Variants in LMO3 observed in about 807,000 individuals in gnomAD.
LMO3 encodes the protein LIM domain only protein 3.
In LMO3, 2 loss-of-function variants were observed where a neutral mutation model predicts 15.8. That is an observed-to-expected ratio of 0.13 (90% CI 0.05 to 0.40). The LOEUF (loss-of-function observed/expected upper bound fraction) is 0.40. Ranked by LOEUF, LMO3 falls within the 10% of genes least tolerant of loss-of-function variation. LMO3 has a pLI of 0.99. For synonymous variants in LMO3, 62 were observed against 63.8 expected, an observed-to-expected ratio of 0.97 and a Z score of 0.13; for missense variants, 86 against 182.2, an observed-to-expected ratio of 0.47 and a Z score of 3.04.
chr12:16,605,889 T>C, intron 1 of LMO3, 177 bp downstream of exon 1: 1 of 1,451,600 alleles, frequency 6.9e-7, no homozygotes, highest in Non-Finnish European at 9.3e-7. Flanking sequence ...ACCGTCTCAG[T>C]AGAGCTGCAG....
At chr12:16,566,343 G>C (rs1344637320) in intron 2 of LMO3, among the ~76,000 whole-genome samples, 1 of 151,650 alleles carries the variant, frequency 6.6e-6, no homozygotes, top group African/African-American at 2.4e-5. Context: ...TGCACAGTAG[G>C]GTGACTATGG....
At chr12:16,566,037 T>C (rs1473496436) in intron 2 of LMO3, among the ~76,000 whole-genome samples, 2 of 86,166 alleles carry the variant, frequency 2.3e-5, no homozygotes, top group Non-Finnish European at 2.3e-5. Context: ...TATATATATA[T>C]ATAAAATGGA....
chr12:16,585,541 A>G lies in LMO3; in HGVS notation c.206+15114T>C, dbSNP rs1423527493. Among the ~76,000 whole-genome samples the G allele has an allele frequency of 6.6e-6, 1 of 152,194 alleles. No individual in the cohort carries two copies. The highest frequency in any genetic ancestry group is 1.5e-5 in the Non-Finnish European group (1 of 68,030). The stretch of plus-strand genomic sequence containing the variant: ...AGATTAGAAAACTAATTTCATCACA[A>G]TCTCCCCTTTCCTAAATTCCTCTCA... On this transcript the variant is annotated intron_variant, in intron 2 of 3. Transcript: ENST00000537304. The surrounding 1 kb of genome is among the most constrained non-coding windows in gnomAD (Gnocchi z 4.7).
rs1187690261 is a variant in LMO3 at position 16,582,449 on chromosome 12, G to GT, written c.206+18205dup. ...TTATATTTTATATTGTCTTTATCAG[G>GT]TCAAGGTACTGTATTAGAGTTATGT... On this transcript the variant is annotated intron_variant, in intron 2 of 3. Coordinates refer to ENST00000537304, the MANE Select transcript of LMO3 (RefSeq NM_018640.5). The surrounding 1 kb of genome is among the most constrained non-coding windows in gnomAD (Gnocchi z 4.1). Among the ~76,000 whole-genome samples, 1 of 152,132 alleles carries GT rather than the reference G, an allele frequency of 6.6e-6. No homozygotes were observed. Among genetic ancestry groups the GT allele is most frequent in the Non-Finnish European group, 1.5e-5 (1 of 68,014 alleles).
intron 2 of LMO3, among the ~76,000 whole-genome samples, chr12:16,566,910 T>C (rs1385932275): frequency 1.3e-5 from 2 of 152,100 alleles, no homozygotes; most frequent in Non-Finnish European, 2.9e-5. Context: ...ACAATTTCAG[T>C]AAAAAACTAC....
rs1393017884 is a variant in LMO3 at position 16,603,923 on chromosome 12, C to G, written c.-9+2143G>C. 1.3e-5 allele frequency among the ~76,000 whole-genome samples: 2 copies of G among 152,058 alleles called. No individual in the cohort carries two copies. The highest frequency in any genetic ancestry group is 2.9e-5 in the Non-Finnish European group (2 of 68,018). The stretch of plus-strand genomic sequence containing the variant: ...CTAACTACACAGAGTGAATAGAAAA[C>G]ATTTTGTCCGTCGGAAAATTCACAG... On this transcript the variant is annotated intron_variant, in intron 1 of 3. Transcript: ENST00000537304. The surrounding 1 kb of genome is among the most constrained non-coding windows in gnomAD (Gnocchi z 4.9).
chr12:16,600,667 C>T lies in LMO3; in HGVS notation c.194G>A (p.Arg65Lys). The stretch of plus-strand genomic sequence containing the variant: ...GGATAATTCCTACCTCAGATAGTCT[C>T]TGCGACAAAGGATAAGATTAGCTTT... The part of the protein sequence containing the change: ...YTKANLILCR[R>K]DYLRLFGVTG... The change falls in exon 2 of 4, where the codon AGA becomes AAA. Residue 65 changes from arginine (R) to lysine (K), a missense_variant. Around this residue, in one of 3 missense-constraint regions of LMO3, gnomAD observed 51 missense variants for 140.3 expected, o/e 0.36. Coordinates refer to ENST00000537304, the MANE Select transcript of LMO3 (RefSeq NM_018640.5). 2 of 1,613,950 alleles carry T rather than the reference C, an allele frequency of 1.2e-6. No homozygotes were observed. Among genetic ancestry groups the T allele is most frequent in the Non-Finnish European group, 1.7e-6 (2 of 1,179,868 alleles).
At position 16,600,559 on chromosome 12, in the gene LMO3, G is replaced by A. The variant is rs1455692406; in HGVS notation, c.206+96C>T. ...GTAACTTCTTTCAGGAATATAAGCT[G>A]GCAGTAAGGAAATGAAACAAGCAAA... On this transcript the variant is annotated intron_variant, in intron 2 of 3. Transcript: ENST00000537304. 9 of 1,011,834 alleles carry A rather than the reference G, an allele frequency of 8.9e-6. No homozygotes were observed. The African/African-American group carries it at 9.5e-5, about 11-fold the overall frequency. 62.7% of individuals were successfully genotyped at this position (1,011,834 alleles called of 1,614,324 possible). A position where few individuals can be genotyped will look rare whatever the true frequency, so the allele number is the denominator to read the frequency against.
At chr12:16,554,087 T>A (rs1466497749) in intron 3 of LMO3, among the ~76,000 whole-genome samples, 1 of 152,184 alleles carries the variant, frequency 6.6e-6, no homozygotes. Context: ...ATTCTGATGT[T>A]TTGGAATTAA....
chr12:16,607,778 C>CA (rs965678633), upstream of LMO3: 5 of 151,498 alleles, frequency 3.3e-5, no homozygotes, highest in Admixed American at 2.0e-4. Context: ...AAGCACCCCC[C>CA]CCATGAGTAT....
rs906307280 is a variant in LMO3, at chr12:16,593,534, A to G, written c.206+7121T>C. On this transcript the variant is annotated intron_variant, in intron 2 of 3. Coordinates refer to ENST00000537304, the MANE Select transcript of LMO3 (RefSeq NM_018640.5). The surrounding 1 kb of genome is among the most constrained non-coding windows in gnomAD (Gnocchi z 4.2). ...AATTCGGCGAAAAGAGAATCATTAC[A>G]TAACTACAAAAATACTGTTGAGAAG... Among the ~76,000 whole-genome samples the G allele has an allele frequency of 1.6e-4, 24 of 151,872 alleles. No individual in the cohort carries two copies. The highest frequency in any genetic ancestry group is 5.8e-4 in the African/African-American group (24 of 41,424).
At position 16,596,727 on chromosome 12, in the gene LMO3, A is replaced by G. The variant is rs531007431; in HGVS notation, c.206+3928T>C. ...TATGCACTGGCTGGCTACTTTATTC[A>G]TATTTTTTCAAACTGAAATAAGGCG... On this transcript the variant is annotated intron_variant, in intron 2 of 3. Coordinates refer to ENST00000537304, the MANE Select transcript of LMO3 (RefSeq NM_018640.5). This position sits in a 1 kb window ranked among gnomAD's most constrained non-coding sequence, Gnocchi z 4.3. 1.2e-4 allele frequency among the ~76,000 whole-genome samples: 18 copies of G among 151,718 alleles called. No homozygotes were observed. Among genetic ancestry groups the G allele is most frequent in the Non-Finnish European group, 2.4e-4 (16 of 67,698 alleles).
chr12:16,555,447 AT>A lies in LMO3; in HGVS notation c.333-4121del, dbSNP rs2137280919. Among the ~76,000 whole-genome samples, 1 of 152,306 alleles carries A rather than the reference AT, an allele frequency of 6.6e-6. No homozygotes were observed. The highest frequency in any genetic ancestry group is 2.1e-4 in the South Asian group (1 of 4,834). On this transcript the variant is annotated intron_variant, in intron 3 of 3. Coordinates refer to ENST00000537304, the MANE Select transcript of LMO3 (RefSeq NM_018640.5). This position sits in a 1 kb window ranked among gnomAD's most constrained non-coding sequence, Gnocchi z 5.5. The stretch of plus-strand genomic sequence containing the variant: ...TCTGCGGTAAATGACCACGAGTTAT[AT>A]TTCTTTTGAACCCTTTGCAGAACCA...
rs903492999 is a variant in LMO3 at position 16,584,487 on chromosome 12, G to A, written c.206+16168C>T. The stretch of plus-strand genomic sequence containing the variant: ...CATGAGGTTTCTGGAGGACCCAGTG[G>A]AAAAGTGTTGAGTGAACGTAACAGC... On this transcript the variant is annotated intron_variant, in intron 2 of 3. Transcript: ENST00000537304. This position sits in a 1 kb window ranked among gnomAD's most constrained non-coding sequence, Gnocchi z 5.2. Among the ~76,000 whole-genome samples, 1 of 152,168 alleles carries A rather than the reference G, an allele frequency of 6.6e-6. No homozygotes were observed. Among genetic ancestry groups the A allele is most frequent in the Admixed American group, 6.5e-5 (1 of 15,272 alleles).
At chr12:16,608,893 A>G (rs551787872), upstream of LMO3, among the ~76,000 whole-genome samples, 3 of 152,234 alleles carry the variant, frequency 2.0e-5, no homozygotes, top group Non-Finnish European at 2.9e-5. This position sits in a 1 kb window ranked among gnomAD's most constrained non-coding sequence, Gnocchi z 4.1. Flanking sequence ...TCTTCTTTTC[A>G]TTATGACTGA....
intron 2 of LMO3, among the ~76,000 whole-genome samples, chr12:16,565,254 A>G (rs985092894): frequency 6.6e-6 from 1 of 152,246 alleles, no homozygotes; most frequent in African/African-American, 2.4e-5. Context: ...TGTTGGATGG[A>G]AAAGTTTTAT....
chr12:16,594,709 T>A (rs1005432389), intron 2 of LMO3, among the ~76,000 whole-genome samples: 1 of 151,660 alleles, frequency 6.6e-6, no homozygotes, highest in Non-Finnish European at 1.5e-5. Flanking sequence ...TTTAGGCTAT[T>A]TCATTTTTAT....
At position 16,591,546 on chromosome 12, in the gene LMO3, T is replaced by TG. The variant is rs55950422; in HGVS notation, c.206+9108_206+9109insC. Among the ~76,000 whole-genome samples, 150,052 of 152,162 alleles carry TG rather than the reference T, an allele frequency of 0.99. 74,031 individuals carry two copies. Among genetic ancestry groups the TG allele is most frequent in the East Asian group, 1 (5,168 of 5,168 alleles). On this transcript the variant is annotated intron_variant, in intron 2 of 3. Coordinates refer to ENST00000537304, the MANE Select transcript of LMO3 (RefSeq NM_018640.5). The surrounding 1 kb of genome is among the most constrained non-coding windows in gnomAD (Gnocchi z 4.1). ...GGTATTTTTGTGTTTTATTTAGTGC[T>TG]TATGTCAAGGCCTTTTACAGTACCT...
intron 2 of LMO3, among the ~76,000 whole-genome samples, chr12:16,566,709 C>T (rs890242598): frequency 8.6e-5 from 13 of 152,010 alleles, no homozygotes; most frequent in African/African-American, 2.9e-4. Context: ...TCTTTATTAA[C>T]ACATACAGAT....
Sources: allele counts gnomAD v4.1 joint callset (sites outside exome capture counted in the v4.1 genomes callset), GRCh38; gene constraint gnomAD v4.1.1; regional missense constraint gnomAD v4.1.1; non-coding constraint Gnocchi (gnomAD v3.1); transcripts MANE v1.5; gene names NCBI Gene and HGNC (gene_info 2026-07-23, HGNC 2026-07-21).